PIGT: variants seen among roughly 807,000 people sequenced by gnomAD.
PIGT encodes the protein GPI-anchor transamidase component PIGT.
Under a neutral mutation model 66.7 loss-of-function variants are expected in PIGT, and 57 were observed. The observed-to-expected ratio is 0.86, with a 90% confidence interval of 0.69 to 1.07. PIGT has a LOEUF of 1.07. PIGT is among the 50% of genes least tolerant of loss of function. The pLI is 0.00. For missense variants in PIGT, 725 were observed against 740.4 expected (o/e 0.98, Z 0.24); for synonymous variants, 362 against 320.5 (o/e 1.13, Z -1.38).
chr20:45,416,198 C>A lies in PIGT; in HGVS notation c.42C>A (p.Leu14=), dbSNP rs1181925274. 1 of 1,590,750 alleles carries A rather than the reference C, an allele frequency of 6.3e-7. No homozygotes were observed. Among genetic ancestry groups the A allele is most frequent in the Middle Eastern group, 1.9e-4 (1 of 5,404 alleles). The change falls in exon 1 of 12, where the codon CTC becomes CTA. Residue 14 remains leucine (L), a synonymous_variant. Transcript: ENST00000279036. ...AMPLALLVLL[L]LGPGGWCLAE... is the part of the protein sequence containing the mutation. Reference sequence around the variant, plus strand: ...CGCTTGCTCTGCTCGTCCTGTTGCTCCTGGGGCCCGGCGGCTGGTGCCTTG... The same window carrying A: ...CGCTTGCTCTGCTCGTCCTGTTGCTACTGGGGCCCGGCGGCTGGTGCCTTG...
intron 9 of PIGT, chr20:45,423,576 A>C (rs1037083943): frequency 6.6e-6 from 1 of 152,122 alleles, no homozygotes; most frequent in Non-Finnish European, 1.5e-5. Context: ...TTTACAGAAA[A>C]ACTGAGCACA....
chr20:45,425,444 G>T, intron 11 of PIGT, 130 bp from the exon 12 acceptor site: 1 of 1,036,522 alleles, frequency 9.6e-7, no homozygotes, highest in Non-Finnish European at 1.4e-6. Flanking sequence ...TATGCCTTCT[G>T]TTGAAAGGTT....
chr20:45,424,165 C>T lies in PIGT; in HGVS notation c.1235-51C>T, dbSNP rs760426934. On this transcript the variant is annotated intron_variant, in intron 9 of 11. Transcript: ENST00000279036. ...TGGCAAGCAGCAGGGACAGGGGCAG[C>T]AGGTAGCCTGACCCCAGGAAAGAGA... 2.5e-5 allele frequency: 38 copies of T among 1,549,416 alleles called. No homozygotes were observed. In the South Asian group the frequency reaches 3.9e-4, roughly 16 times the overall value.
intron 9 of PIGT, 28 bp downstream of exon 9, chr20:45,421,611 C>T: frequency 6.3e-6 from 10 of 1,591,694 alleles, no homozygotes; most frequent in East Asian, 2.2e-5. Context: ...GAACCAGGCC[C>T]CCAGCCCGCC....
chr20:45,421,726 A>G (rs1296862803), intron 9 of PIGT, 143 bp downstream of exon 9: 16 of 662,332 alleles, frequency 2.4e-5, no homozygotes, highest in African/African-American at 2.2e-4. Context: ...TAGTTTCTCA[A>G]AACTGGAACG....
intron 5 of PIGT, 117 bp downstream of exon 5, chr20:45,419,707 G>A (rs1990227696): frequency 1.1e-5 from 8 of 759,642 alleles, no homozygotes; most frequent in Middle Eastern, 2.4e-4. Flanking sequence ...ATGTGATGAC[G>A]GTTATTCAGG....
At chr20:45,425,527 G>A (rs747539251) in intron 11 of PIGT, 47 bp from the exon 12 acceptor site, 3 of 1,593,448 alleles carry the variant, frequency 1.9e-6, no homozygotes, top group East Asian at 4.5e-5. Flanking sequence ...GGGGTGAGAT[G>A]GGGAGGAGCA....
In PIGT at chr20:45,425,392, C is replaced by T. The variant is rs1458044742; in HGVS notation, c.1485-182C>T. On this transcript the variant is annotated intron_variant, in intron 11 of 11. Coordinates refer to ENST00000279036, the MANE Select transcript of PIGT (RefSeq NM_015937.6). ...GTCCTAATGCTCTCCCTCCCCTTGC[C>T]CCCCGCCCGCCGCTCCCCTTTATCA... 2.8e-5 allele frequency: 13 copies of T among 469,522 alleles called. No individual in the cohort carries two copies. In the Middle Eastern group the frequency reaches 2.0e-3, roughly 71 times the overall value. 29.1% of individuals were successfully genotyped at this position (469,522 alleles called of 1,614,324 possible). A position where few individuals can be genotyped will look rare whatever the true frequency, so the allele number is the denominator to read the frequency against.
chr20:45,421,397 C>G lies in PIGT; in HGVS notation c.1048C>G (p.Pro350Ala), dbSNP rs1400978452. 8 of 1,613,622 alleles carry G rather than the reference C, an allele frequency of 5.0e-6. No homozygotes were observed. The highest frequency in any genetic ancestry group is 6.8e-6 in the Non-Finnish European group (8 of 1,179,744). Residue 350 changes from proline (P) to alanine (A), a missense_variant, in exon 9 of 12, where the codon CCC becomes GCC. By Grantham distance (27) the Pro-to-Ala change is conservative. Coordinates refer to ENST00000279036, the MANE Select transcript of PIGT (RefSeq NM_015937.6). ...TCTTTACACAGAGGCCCCCCCAGTG[C>G]CCTTCCTGCATGCCCAGCGGTACGT... is the stretch of plus-strand genomic sequence containing the variant. ...RPPENEAPPV[P>A]FLHAQRYVSG...
chr20:45,425,550 T>C (rs2145477189), intron 11 of PIGT, 24 bp from the exon 12 acceptor site: 1 of 1,608,850 alleles, frequency 6.2e-7, no homozygotes, highest in South Asian at 1.1e-5. Flanking sequence ...CAGTCCTGTC[T>C]CACCGCTCTT....
intron 9 of PIGT, 198 bp from the exon 10 acceptor site, chr20:45,424,018 G>A (rs375455711): frequency 8.4e-6 from 5 of 593,330 alleles, no homozygotes; most frequent in East Asian, 2.8e-5. Context: ...TCTCTTGATC[G>A]CATCCTGGGA....
intron 9 of PIGT, chr20:45,423,995 A>G: frequency 3.5e-6 from 2 of 568,832 alleles, no homozygotes; most frequent in South Asian, 4.2e-5. Context: ...CATCTGCAGC[A>G]CTCCTAACAA....
chr20:45,419,806 T>A (rs1035579231), intron 5 of PIGT: 1 of 602,870 alleles, frequency 1.7e-6, no homozygotes, highest in Admixed American at 2.9e-5. Flanking sequence ...GAACAATAGC[T>A]ATGCGGGTGC....
chr20:45,421,756 T>C (rs1487948422), intron 9 of PIGT, 173 bp downstream of exon 9: 8 of 611,240 alleles, frequency 1.3e-5, no homozygotes, highest in Non-Finnish European at 2.3e-5. Flanking sequence ...CTGTGCCAGG[T>C]TCAGAAGTAA....
At chr20:45,421,351 C>A in intron 8 of PIGT, 32 bp from the exon 9 acceptor site, 3 of 1,582,928 alleles carry the variant, frequency 1.9e-6, no homozygotes, top group Non-Finnish European at 2.6e-6. Flanking sequence ...TTACCTTTGG[C>A]AGCTGTTAAC....
At chr20:45,417,717 G>T (rs1990074182) in intron 2 of PIGT, 1 of 152,194 alleles carries the variant, frequency 6.6e-6, no homozygotes, top group Non-Finnish European at 1.5e-5. Flanking sequence ...TTTTTTGAGT[G>T]CTGTGCGGGT....
At chr20:45,419,087 T>G (rs1990171277) in intron 3 of PIGT, 108 bp downstream of exon 3, 2 of 1,441,526 alleles carry the variant, frequency 1.4e-6, no homozygotes, top group African/African-American at 2.8e-5. Context: ...AGATCCTAAG[T>G]CCCCTGTGTG....
intron 9 of PIGT, chr20:45,423,402 G>A (rs1431884997): frequency 6.6e-6 from 1 of 151,784 alleles, no homozygotes; most frequent in Non-Finnish European, 1.5e-5. Context: ...CTACTCAAGA[G>A]GCTGAGGTGG....
intron 4 of PIGT, 30 bp downstream of exon 4, chr20:45,419,425 C>CGGGCG (rs1555876833): frequency 1.2e-5 from 19 of 1,602,678 alleles, no homozygotes; most frequent in African/African-American, 2.7e-5. Flanking sequence ...CAGCCGGGGG[C>CGGGCG]GGGGGGTGTA....
Sources: gnomAD v4.1 joint callset for allele counts on GRCh38, gnomAD v4.1.1 for gene constraint, MANE v1.5 for transcripts, NCBI Gene and HGNC (gene_info 2026-07-23, HGNC 2026-07-21) for gene names.